Variants in VPS8 observed in about 807,000 individuals in gnomAD.
The protein encoded by VPS8 is VPS8 subunit of CORVET complex, also known as vacuolar protein sorting-associated protein 8 homolog.
VPS8 carries 129 observed loss-of-function variants against 216.4 expected under a neutral mutation model. The observed-to-expected ratio is 0.60, with a 90% CI of 0.52 to 0.69. The LOEUF is 0.69. Among genes scored for constraint, VPS8 ranks in the 30% least tolerant of loss-of-function variants. The probability of loss-of-function intolerance (pLI) is 0.00; values close to 1 mark genes in which losing one functional copy is unlikely to be tolerated. For missense variants in VPS8, 1,531 were observed against 1,683.5 expected (o/e 0.91, Z 1.59); for synonymous variants, 571 against 565.4 (o/e 1.01, Z -0.14).
At chr3:184,967,250 C>T (rs1218544002) in intron 39 of VPS8, among the ~76,000 whole-genome samples, 2 of 152,136 alleles carry the variant, frequency 1.3e-5, no homozygotes, top group Non-Finnish European at 2.9e-5. Context: ...AGACATAAGC[C>T]ACCACGCTAG....
At chr3:184,869,338 T>C (rs930479857) in intron 19 of VPS8, 144 bp from the exon 20 acceptor site, 3 of 791,114 alleles carry the variant, frequency 3.8e-6, no homozygotes, top group South Asian at 3.6e-5. Flanking sequence ...CCTATTATGG[T>C]GTATTATCCA....
intron 5 of VPS8, chr3:184,836,286 G>A: frequency 2.2e-6 from 1 of 456,710 alleles, no homozygotes; most frequent in Non-Finnish European, 4.4e-6. Context: ...GGAACCACCT[G>A]TTGAGGATTA....
intron 22 of VPS8, among the ~76,000 whole-genome samples, chr3:184,887,975 G>T (rs1731593783): frequency 6.6e-6 from 1 of 150,456 alleles, no homozygotes; most frequent in African/African-American, 2.4e-5. Flanking sequence ...TAGGGATCTT[G>T]TTGAGAACAT....
In VPS8 at chr3:184,894,689, C is replaced by A. The variant is rs531586506; in HGVS notation, c.1782-14C>A. 1.1e-4 allele frequency: 180 copies of A among 1,570,646 alleles called. No homozygotes were observed. The highest frequency in any genetic ancestry group is 1.4e-4 in the Non-Finnish European group (162 of 1,155,878). On this transcript the variant is annotated splice_polypyrimidine_tract_variant and intron_variant, in intron 22 of 47. Coordinates refer to ENST00000625842, the MANE Select transcript of VPS8 (RefSeq NM_001009921.3). ...ATGTTCCTAAAAGTTTTTCTCCCCC[C>A]CTTTCTGTTACAGGGATCTTTTATT... is the stretch of plus-strand genomic sequence containing the variant.
intron 45 of VPS8, among the ~76,000 whole-genome samples, chr3:185,019,923 T>C (rs1312178034): frequency 1.3e-5 from 2 of 152,228 alleles, no homozygotes; most frequent in African/African-American, 4.8e-5. Flanking sequence ...TGACTTTTGG[T>C]GTGAAAAATA....
At chr3:184,995,691 A>G (rs527528805) in intron 43 of VPS8, among the ~76,000 whole-genome samples, 22 of 152,342 alleles carry the variant, frequency 1.4e-4, no homozygotes, top group Non-Finnish European at 2.9e-4. Flanking sequence ...AAACAATACT[A>G]TATAAATACA....
chr3:184,874,259 G>A (rs771252821), intron 21 of VPS8, among the ~76,000 whole-genome samples: 1 of 152,128 alleles, frequency 6.6e-6, no homozygotes, highest in African/African-American at 2.4e-5. Context: ...TTTCATTAAA[G>A]CATTTGCCTA....
At chr3:185,041,642 C>T (rs1711647539) in intron 46 of VPS8, among the ~76,000 whole-genome samples, 1 of 152,222 alleles carries the variant, frequency 6.6e-6, no homozygotes, top group Non-Finnish European at 1.5e-5. Flanking sequence ...GACAGAGCCA[C>T]TAGCAGCCTG....
intron 8 of VPS8, among the ~76,000 whole-genome samples, chr3:184,847,115 A>G (rs775618810): frequency 9.2e-5 from 14 of 152,354 alleles, no homozygotes; most frequent in Non-Finnish European, 1.6e-4. Context: ...CAGACCTTGT[A>G]TATTTATGAG....
At chr3:185,050,830 T>C (rs13062121) in intron 47 of VPS8, among the ~76,000 whole-genome samples, 72,612 of 151,578 alleles carry the variant, frequency 0.48, 17,653 homozygotes, top group East Asian at 0.67. Flanking sequence ...AGGCTTTCAC[T>C]GGCCTCCATG....
Position 184,866,912 on chromosome 3 carries a change from A to G in VPS8, c.1432A>G (p.Ser478Gly). 1 of 1,613,340 alleles carries G rather than the reference A, an allele frequency of 6.2e-7. No homozygotes were observed. Among genetic ancestry groups the G allele is most frequent in the African/African-American group, 1.3e-5 (1 of 75,010 alleles). Residue 478 changes from serine (S) to glycine (G), a missense_variant, in exon 17 of 48, where the codon AGT becomes GGT. Coordinates refer to ENST00000625842, the MANE Select transcript of VPS8 (RefSeq NM_001009921.3). Reference sequence around the variant, plus strand: ...AGAGAAGGCTTGTTATCAATCCATCAGTAGCTATGGTGGTCAGATCTTTTA... The same window carrying G: ...AGAGAAGGCTTGTTATCAATCCATCGGTAGCTATGGTGGTCAGATCTTTTA... ...VGEKACYQSI[S>G]SYGGQIFYLG...
intron 21 of VPS8, among the ~76,000 whole-genome samples, chr3:184,878,678 A>G (rs1729722437): frequency 6.6e-6 from 1 of 152,172 alleles, no homozygotes; most frequent in African/African-American, 2.4e-5. Context: ...ACATTGCCCT[A>G]TCCCTGAGGC....
chr3:184,988,104 C>G (rs1302630501), intron 42 of VPS8, among the ~76,000 whole-genome samples: 3 of 152,194 alleles, frequency 2.0e-5, no homozygotes, highest in Non-Finnish European at 2.9e-5. Context: ...TTTTCTCCCA[C>G]TCTGTGGCTG....
chr3:184,977,126 G>A (rs1049446930), intron 40 of VPS8, among the ~76,000 whole-genome samples: 7 of 152,068 alleles, frequency 4.6e-5, no homozygotes, highest in Admixed American at 3.9e-4. Flanking sequence ...GTGAATGTCC[G>A]CTATTTTTTG....
At chr3:184,825,910 A>C (rs1049650877) in intron 2 of VPS8, among the ~76,000 whole-genome samples, 2 of 152,126 alleles carry the variant, frequency 1.3e-5, no homozygotes, top group African/African-American at 4.8e-5. Context: ...CAAAAAAAAA[A>C]AAAAAGTGTT....
intron 42 of VPS8, among the ~76,000 whole-genome samples, chr3:184,983,781 G>A (rs1025005380): frequency 2.9e-5 from 3 of 103,994 alleles, no homozygotes; most frequent in Non-Finnish European, 3.9e-5. Context: ...CATGCACCCC[G>A]CCCCCCTCCC....
intron 31 of VPS8, 88 bp downstream of exon 31, chr3:184,926,738 T>C: frequency 5.4e-6 from 7 of 1,290,558 alleles, no homozygotes; most frequent in Non-Finnish European, 7.5e-6. Context: ...TCACTACACA[T>C]GAGGGGCAAT....
chr3:184,853,684 A>G, intron 11 of VPS8, among the ~76,000 whole-genome samples, 173 bp from the exon 12 acceptor site: 1 of 152,188 alleles, frequency 6.6e-6, no homozygotes. Context: ...TTGGCAGAAA[A>G]ATAAATGAAT....
At chr3:184,841,008 C>A (rs1560336927) in intron 7 of VPS8, among the ~76,000 whole-genome samples, 1 of 152,154 alleles carries the variant, frequency 6.6e-6, no homozygotes, top group Non-Finnish European at 1.5e-5. Flanking sequence ...TGTATTATGA[C>A]AAAAGCTTTT....
Sources: allele counts gnomAD v4.1 joint callset (sites outside exome capture counted in the v4.1 genomes callset), GRCh38; gene constraint gnomAD v4.1.1; transcripts MANE v1.5; gene names NCBI Gene and HGNC (gene_info 2026-07-23, HGNC 2026-07-21).